FAM228B: variants seen among roughly 807,000 people sequenced by gnomAD.
FAM228B encodes protein FAM228B.
In FAM228B, 38 loss-of-function variants were observed where a neutral mutation model predicts 42.6. The ratio of observed to expected loss-of-function variants is 0.89; its 90% CI spans 0.69 to 1.17. FAM228B has a LOEUF of 1.17. Among genes scored for constraint, FAM228B ranks in the 50% most tolerant of loss-of-function variants. FAM228B has a pLI of 0.00. For missense variants in FAM228B, 344 were observed against 367.3 expected (o/e 0.94, Z 0.52); for synonymous variants, 109 against 122.3 (o/e 0.89, Z 0.72).
rs935615879 is a variant in FAM228B at position 24,139,429 on chromosome 2, G to A, written c.420G>A (p.Lys140=). 1.2e-5 allele frequency: 18 copies of A among 1,546,998 alleles called. No individual in the cohort carries two copies. Among genetic ancestry groups the A allele is most frequent in the Non-Finnish European group, 1.5e-5 (17 of 1,143,450 alleles). Residue 140 remains lysine, a synonymous_variant, in exon 5 of 11, where the codon AAG becomes AAA. Transcript: ENST00000615575. ...PKEYDPFYMS[K]KDPNFLKVTI... is the part of the protein sequence containing the mutation. Reference sequence around the variant, plus strand: ...AGTATGATCCCTTTTATATGAGCAAGAAGGACCCCAATTTTCTGAAGGTAG... The same window carrying A: ...AGTATGATCCCTTTTATATGAGCAAAAAGGACCCCAATTTTCTGAAGGTAG...
At chr2:24,120,067 G>A (rs1286441936), upstream of FAM228B, among the ~76,000 whole-genome samples, 1 of 152,062 alleles carries the variant, frequency 6.6e-6, no homozygotes, top group Non-Finnish European at 1.5e-5. Flanking sequence ...TTGGAAGTTT[G>A]AGACCAGCCT....
chr2:24,167,934 C>T (rs1245744506), intron 10 of FAM228B: 1 of 411,074 alleles, frequency 2.4e-6, no homozygotes, highest in Non-Finnish European at 4.5e-6. Context: ...GAGAAAATTC[C>T]TATTGCTTGG....
upstream of FAM228B, among the ~76,000 whole-genome samples, chr2:24,118,612 A>G (rs1665999864): frequency 6.6e-6 from 1 of 152,254 alleles, no homozygotes; most frequent in Non-Finnish European, 1.5e-5. Context: ...TACATACCAC[A>G]ATGGATAGAA....
chr2:24,104,861 C>G (rs1162177791), intron 3 of FAM228B, among the ~76,000 whole-genome samples: 1 of 152,090 alleles, frequency 6.6e-6, no homozygotes, highest in East Asian at 1.9e-4. Context: ...TCTGGCCCAG[C>G]AGTCCTGCTT....
At chr2:24,114,640 C>T (rs1445247704) in intron 3 of FAM228B, among the ~76,000 whole-genome samples, 2 of 151,966 alleles carry the variant, frequency 1.3e-5, no homozygotes, top group East Asian at 1.9e-4. Context: ...TTTAAGTAGT[C>T]GAAGGTGGTC....
chr2:24,151,444 C>T (rs10205576), intron 7 of FAM228B, among the ~76,000 whole-genome samples: 41,690 of 151,316 alleles, frequency 0.28, 6,346 homozygotes, highest in Non-Finnish European at 0.35. Flanking sequence ...GCACCCACCA[C>T]CACGTCCGGC....
chr2:24,147,190 T>G (rs1666916636), intron 7 of FAM228B, 104 bp downstream of exon 7: 2 of 850,722 alleles, frequency 2.4e-6, no homozygotes, highest in African/African-American at 1.7e-5. Context: ...ATTATCATTT[T>G]TCTTTTTTTT....
chr2:24,137,593 A>C (rs1278431053), intron 3 of FAM228B, among the ~76,000 whole-genome samples: 2 of 152,172 alleles, frequency 1.3e-5, no homozygotes, highest in Non-Finnish European at 2.9e-5. Context: ...CCTGGGCTCA[A>C]GTGATTCTCT....
rs778957795 is a variant in FAM228B, at chr2:24,084,227, C to T, written c.-210+3272C>T. ...GCCCGGTTCAGGGCGCTGGCCGCCA[C>T]CTTCAGGAGGACTTCACCCTCCCCC... is the stretch of plus-strand genomic sequence containing the variant. On this transcript the variant is annotated intron_variant, in intron 2 of 10. Transcript: ENST00000613899. The surrounding 1 kb of genome is among the most constrained non-coding windows in gnomAD (Gnocchi z 8.4). 6.2e-7 allele frequency: 1 copy of T among 1,613,974 alleles called. No homozygotes were observed. The highest frequency in any genetic ancestry group is 8.5e-7 in the Non-Finnish European group (1 of 1,179,964).
intron 3 of FAM228B, among the ~76,000 whole-genome samples, chr2:24,109,171 CAAA>C (rs70944716): frequency 0.014 from 1,379 of 96,024 alleles, 5 homozygotes; most frequent in African/African-American, 0.034. Context: ...AGAGTAATGG[CAAA>C]AAAAAAAAAA....
At chr2:24,151,383 TG>T (rs1490662376) in intron 7 of FAM228B, among the ~76,000 whole-genome samples, 2 of 151,822 alleles carry the variant, frequency 1.3e-5, no homozygotes, top group Non-Finnish European at 2.9e-5. Flanking sequence ...CTCTGCCTCT[TG>T]GGTTAAGGTG....
At chr2:24,137,142 C>T (rs1324952049) in intron 3 of FAM228B, among the ~76,000 whole-genome samples, 2 of 152,190 alleles carry the variant, frequency 1.3e-5, no homozygotes, top group Non-Finnish European at 2.9e-5. Context: ...CCATATTACA[C>T]ATATAAATAA....
At chr2:24,154,971 C>A (rs910813295) in intron 7 of FAM228B, among the ~76,000 whole-genome samples, 1 of 152,272 alleles carries the variant, frequency 6.6e-6, no homozygotes, top group Admixed American at 6.5e-5. Context: ...AACCTTAAAA[C>A]AGAATTTCGA....
intron 5 of FAM228B, chr2:24,142,346 T>G (rs1432395739): frequency 4.6e-5 from 7 of 152,114 alleles, no homozygotes; most frequent in African/African-American, 1.7e-4. Context: ...TTCCTGGGAG[T>G]GGGACAGATC....
chr2:24,116,011 A>G (rs1665905862), intron 3 of FAM228B, among the ~76,000 whole-genome samples: 1 of 152,000 alleles, frequency 6.6e-6, no homozygotes, highest in Admixed American at 6.5e-5. Flanking sequence ...CTCCTCTCCT[A>G]TATGTATTCT....
At chr2:24,128,751 T>G (rs866313846) in intron 2 of FAM228B, among the ~76,000 whole-genome samples, 57 of 152,182 alleles carry the variant, frequency 3.7e-4, no homozygotes, top group African/African-American at 1.3e-3. Context: ...TTTTTCATTT[T>G]TCCCCTTGGA....
intron 8 of FAM228B, among the ~76,000 whole-genome samples, chr2:24,163,897 G>A (rs1490969799): frequency 1.3e-5 from 2 of 152,072 alleles, no homozygotes; most frequent in African/African-American, 4.8e-5. Flanking sequence ...ATTTGTCCTT[G>A]GCAGAGTTAG....
At chr2:24,162,312 G>A (rs538390565) in intron 8 of FAM228B, among the ~76,000 whole-genome samples, 19 of 152,274 alleles carry the variant, frequency 1.2e-4, no homozygotes, top group Admixed American at 1.2e-3. Context: ...AGTGAAAGAT[G>A]TTGTTGTAAA....
intron 3 of FAM228B, among the ~76,000 whole-genome samples, chr2:24,102,800 A>G (rs1665631215): frequency 6.6e-6 from 1 of 152,192 alleles, no homozygotes; most frequent in South Asian, 2.1e-4. Context: ...TGCAGACTTA[A>G]CTCATTTATG....
Sources: gnomAD v4.1 joint callset for allele counts (sites outside exome capture counted in the v4.1 genomes callset) on GRCh38, gnomAD v4.1.1 for gene constraint, Gnocchi (gnomAD v3.1) non-coding constraint, MANE v1.5 for transcripts, NCBI Gene and HGNC (gene_info 2026-07-23, HGNC 2026-07-21) for gene names.